Variants in RMST observed in about 807,000 individuals in gnomAD.
RMST encodes rhabdomyosarcoma 2 associated transcript.
chr12:97,478,346 AC>A (rs1874806981), intron 5 of RMST, among the ~76,000 whole-genome samples: 1 of 152,248 alleles, frequency 6.6e-6, no homozygotes. Flanking sequence ...AGAAAGTATA[AC>A]CAGATTATCT....
intron 5 of RMST, among the ~76,000 whole-genome samples, chr12:97,483,239 G>A (rs1875650300): frequency 6.6e-6 from 1 of 152,130 alleles, no homozygotes; most frequent in Non-Finnish European, 1.5e-5. Flanking sequence ...TTTCGCTTAA[G>A]CCCATGCTCT....
rs372193137 is a variant in RMST at position 97,505,619 on chromosome 12, G to A, written n.1340+9563G>A. Among the ~76,000 whole-genome samples the A allele has an allele frequency of 6.6e-5, 10 of 152,290 alleles. No individual in the cohort carries two copies. In the East Asian group the frequency reaches 9.6e-4, roughly 15 times the overall value. ...ATTCTTATCCATTAACTTACAAAAC[G>A]CACATATTTGCTATTGCATATTAAT... On this transcript the variant is annotated intron_variant and non_coding_transcript_variant, in intron 10 of 13. Coordinates refer to ENST00000640149, the Ensembl canonical transcript of RMST.
intron 10 of RMST, among the ~76,000 whole-genome samples, chr12:97,520,495 G>T (rs77188795): frequency 0.014 from 2,075 of 151,998 alleles, 52 homozygotes; most frequent in African/African-American, 0.048. Context: ...ATTTTAGTGG[G>T]TGCTCCTAAA....
intron 11 of RMST, among the ~76,000 whole-genome samples, chr12:97,550,402 A>C (rs1204872091): frequency 2.0e-5 from 3 of 152,156 alleles, no homozygotes; most frequent in African/African-American, 7.2e-5. Context: ...CAAATAAATA[A>C]ATAAATAAAT....
At chr12:97,562,657 A>G (rs1039775364) in intron 13 of RMST, among the ~76,000 whole-genome samples, 1 of 152,228 alleles carries the variant, frequency 6.6e-6, no homozygotes, top group African/African-American at 2.4e-5. Context: ...TTTCTCCTTC[A>G]AAAGTGCAAC....
chr12:97,511,738 T>A (rs71460390), intron 10 of RMST, among the ~76,000 whole-genome samples: 2 of 152,192 alleles, frequency 1.3e-5, no homozygotes, highest in Non-Finnish European at 2.9e-5. Context: ...AATGGAATGA[T>A]TGATCTACAG....
At chr12:97,463,061 AACAC>A (rs1025639552) in intron 3 of RMST, 2 of 83,274 alleles carry the variant, frequency 2.4e-5, no homozygotes, top group South Asian at 4.8e-4. Context: ...CTCTCTCTGA[AACAC>A]ACACACACAG....
intron 5 of RMST, among the ~76,000 whole-genome samples, chr12:97,479,560 T>G (rs1874976998): frequency 6.6e-6 from 1 of 152,180 alleles, no homozygotes; most frequent in South Asian, 2.1e-4. Flanking sequence ...AATTATTTCC[T>G]AGATCTCTCT....
chr12:97,536,723 G>T (rs1356580450), intron 11 of RMST, among the ~76,000 whole-genome samples: 2 of 151,426 alleles, frequency 1.3e-5, no homozygotes. Flanking sequence ...GGAGGAAAAA[G>T]AAGTAGAAAT....
intron 5 of RMST, chr12:97,492,122 G>T (rs1876910401): frequency 2.8e-6 from 1 of 351,802 alleles, no homozygotes. Context: ...GTACTGTGAA[G>T]AATTCAGTAA....
chr12:97,561,175 G>A (rs1884074659), intron 13 of RMST: 1 of 152,202 alleles, frequency 6.6e-6, no homozygotes. Context: ...GTTGTTGACA[G>A]ATTTAATATC....
intron 10 of RMST, among the ~76,000 whole-genome samples, chr12:97,505,056 G>T (rs1280677879): frequency 2.6e-5 from 4 of 152,164 alleles, no homozygotes; most frequent in Non-Finnish European, 4.4e-5. Flanking sequence ...GCTTATGAAA[G>T]ATTTTAATTG....
At chr12:97,495,180 G>GA (rs1555230761) in intron 9 of RMST, among the ~76,000 whole-genome samples, 2 of 150,780 alleles carry the variant, frequency 1.3e-5, no homozygotes, top group Non-Finnish European at 3.0e-5. Context: ...TTCTTATGGG[G>GA]GGGGAGCCGC....
At chr12:97,490,777 G>C (rs567155932) in intron 5 of RMST, among the ~76,000 whole-genome samples, 1 of 152,208 alleles carries the variant, frequency 6.6e-6, no homozygotes, top group Non-Finnish European at 1.5e-5. Context: ...AATTTGAATG[G>C]TAATTTAAAA....
chr12:97,564,567 C>T (rs1415759274), exon 14 of RMST: 1 of 152,228 alleles, frequency 6.6e-6, no homozygotes, highest in Admixed American at 6.5e-5. Flanking sequence ...TAATACCTAC[C>T]TTGTAGGGCT....
chr12:97,483,135 C>G (rs1875630894), intron 5 of RMST, among the ~76,000 whole-genome samples: 1 of 152,044 alleles, frequency 6.6e-6, no homozygotes, highest in Non-Finnish European at 1.5e-5. Context: ...TTTCTTGGCC[C>G]TTTGTGCTCT....
chr12:97,478,644 T>C (rs970149783), intron 5 of RMST, among the ~76,000 whole-genome samples: 4 of 152,186 alleles, frequency 2.6e-5, no homozygotes, highest in South Asian at 2.1e-4. Context: ...GGATGTTTCA[T>C]AGTGTGCCCA....
intron 4 of RMST, chr12:97,465,614 T>C (rs940382607): frequency 2.0e-5 from 3 of 152,132 alleles, no homozygotes; most frequent in Admixed American, 1.3e-4. Flanking sequence ...TGTGGCTTTG[T>C]AGTAAAGTTT....
At chr12:97,532,478 C>T (rs1338033709) in intron 11 of RMST, among the ~76,000 whole-genome samples, 3 of 151,810 alleles carry the variant, frequency 2.0e-5, no homozygotes, top group African/African-American at 7.3e-5. Flanking sequence ...ATGACAATTA[C>T]AGACAATAGG....
Sources: allele counts gnomAD v4.1 joint callset (sites outside exome capture counted in the v4.1 genomes callset), GRCh38; gene constraint gnomAD v4.1.1; transcripts MANE v1.5; gene names NCBI Gene and HGNC (gene_info 2026-07-23, HGNC 2026-07-21).